CHD6: variants seen among roughly 807,000 people sequenced by gnomAD.
CHD6 encodes ATP-dependent chromatin remodeler CHD6.
CHD6 carries 50 observed loss-of-function variants against 276.9 expected under a neutral mutation model. The observed-to-expected ratio is 0.18, with a 90% CI of 0.14 to 0.23. The LOEUF (loss-of-function observed/expected upper bound fraction) is 0.23. Among genes scored for constraint, CHD6 ranks in the 10% least tolerant of loss-of-function variants. The pLI is 1.00. For missense variants in CHD6, 2,564 were observed against 3,365.8 expected, an observed-to-expected ratio of 0.76 and a Z score of 5.89; for synonymous variants, 1,173 against 1,229.3, an observed-to-expected ratio of 0.95 and a Z score of 0.96.
intron 9 of CHD6, 24 bp from the exon 10 acceptor site, chr20:41,493,696 C>T: frequency 6.2e-7 from 1 of 1,612,548 alleles, no homozygotes; most frequent in South Asian, 1.1e-5. Context: ...AGGAAAGAAA[C>T]TTAATGTTCT....
At chr20:41,439,591 C>T (rs2047834948) in intron 26 of CHD6, among the ~76,000 whole-genome samples, 1 of 152,260 alleles carries the variant, frequency 6.6e-6, no homozygotes, top group African/African-American at 2.4e-5. Flanking sequence ...TTAGACAATA[C>T]TGGATCTGAG....
intron 17 of CHD6, among the ~76,000 whole-genome samples, chr20:41,458,577 TAC>T (rs989059151): frequency 1.8e-4 from 27 of 152,294 alleles, no homozygotes; most frequent in African/African-American, 6.3e-4. Context: ...TATGTATATA[TAC>T]ACACATATAC....
At chr20:41,497,282 A>C in intron 8 of CHD6, 102 bp downstream of exon 8, 3 of 784,064 alleles carry the variant, frequency 3.8e-6, no homozygotes. Flanking sequence ...GACTTGAGCA[A>C]CAGATCTGTA....
intron 1 of CHD6, among the ~76,000 whole-genome samples, chr20:41,578,811 T>C (rs543396271): frequency 1.8e-4 from 27 of 151,614 alleles, no homozygotes; most frequent in Non-Finnish European, 3.5e-4. Context: ...GGAGGATCAC[T>C]TGAGCCCAGG....
At chr20:41,454,992 G>A (rs1229877659) in intron 19 of CHD6, among the ~76,000 whole-genome samples, 2 of 152,126 alleles carry the variant, frequency 1.3e-5, no homozygotes, top group Non-Finnish European at 2.9e-5. Flanking sequence ...GAAGCAGGAA[G>A]GCAAACCCCG....
At chr20:41,522,354 C>A (rs1232578031) in intron 3 of CHD6, among the ~76,000 whole-genome samples, 6 of 149,174 alleles carry the variant, frequency 4.0e-5, no homozygotes, top group Middle Eastern at 3.2e-3. Context: ...TCAAAAAAAA[C>A]AAAATAACAA....
rs1338863389 is a variant in CHD6 at position 41,473,525 on chromosome 20, G to A, written c.2469-8C>T. The A allele has an allele frequency of 6.2e-7, 1 of 1,611,932 alleles. No homozygotes were observed. The highest frequency in any genetic ancestry group is 1.7e-5 in the Admixed American group (1 of 59,950). ...ATTCGCTCATAGGTGTATCTGAGGG[G>A]ACCCAAATGAACGAAAGCCCAGGCG... On this transcript the variant is annotated splice_polypyrimidine_tract_variant and splice_region_variant and intron_variant, in intron 16 of 36. Transcript: ENST00000373233. The surrounding 1 kb of genome is among the most constrained non-coding windows in gnomAD (Gnocchi z 4.1).
At position 41,498,239 on chromosome 20, in the gene CHD6, G is replaced by C. The variant is rs1219607846; in HGVS notation, c.916-13C>G. 1 of 1,606,738 alleles carries C rather than the reference G, an allele frequency of 6.2e-7. No homozygotes were observed. The highest frequency in any genetic ancestry group is 8.5e-7 in the Non-Finnish European group (1 of 1,176,664). On this transcript the variant is annotated splice_polypyrimidine_tract_variant and intron_variant, in intron 6 of 36. Coordinates refer to ENST00000373233, the MANE Select transcript of CHD6 (RefSeq NM_032221.5). ...CTCCTGGGTGAACCTGTAACAAACA[G>C]CAAGCAGTTATCAGCCCAGATCCCA...
chr20:41,498,110 G>GA (rs1250798800), intron 7 of CHD6, 58 bp downstream of exon 7: 1 of 1,187,372 alleles, frequency 8.4e-7, no homozygotes. Context: ...AGTCACAAGA[G>GA]AAAAAAAGTT....
intron 3 of CHD6, among the ~76,000 whole-genome samples, chr20:41,523,456 TAAAG>T (rs2044452194): frequency 1.3e-5 from 2 of 152,156 alleles, no homozygotes; most frequent in Admixed American, 6.5e-5. Flanking sequence ...ATCTCCACTT[TAAAG>T]AAAGTACCTA....
intron 2 of CHD6, among the ~76,000 whole-genome samples, chr20:41,544,627 A>G (rs938225105): frequency 6.6e-6 from 1 of 151,010 alleles, no homozygotes; most frequent in African/African-American, 2.4e-5. Flanking sequence ...TTAAATTTTA[A>G]TATTAACATA....
chr20:41,510,561 T>C (rs1452882854), intron 5 of CHD6, among the ~76,000 whole-genome samples: 1 of 152,236 alleles, frequency 6.6e-6, no homozygotes, highest in Non-Finnish European at 1.5e-5. Context: ...AGATTCTAAT[T>C]TATGTTTCTC....
intron 1 of CHD6, among the ~76,000 whole-genome samples, chr20:41,581,671 T>C (rs1302722541): frequency 8.4e-6 from 1 of 119,472 alleles, no homozygotes; most frequent in East Asian, 2.8e-4. Flanking sequence ...CGAGACTCCA[T>C]CTCAAAAAAA....
chr20:41,438,317 C>T (rs1014478549), intron 26 of CHD6, among the ~76,000 whole-genome samples: 1 of 152,172 alleles, frequency 6.6e-6, no homozygotes, highest in African/African-American at 2.4e-5. Flanking sequence ...AGGGTGGGTG[C>T]AGTGGCTCAC....
chr20:41,516,056 A>G (rs1186844951), intron 3 of CHD6, among the ~76,000 whole-genome samples: 1 of 152,248 alleles, frequency 6.6e-6, no homozygotes, highest in East Asian at 1.9e-4. Flanking sequence ...AGGAATAACA[A>G]TAACTAATGA....
intron 5 of CHD6, among the ~76,000 whole-genome samples, chr20:41,502,932 G>A (rs975889451): frequency 6.6e-6 from 1 of 152,184 alleles, no homozygotes; most frequent in African/African-American, 2.4e-5. Context: ...CTTGAACCTG[G>A]GAGGTGGAGG....
intron 1 of CHD6, among the ~76,000 whole-genome samples, chr20:41,578,107 C>T (rs922496731): frequency 8.5e-5 from 13 of 152,142 alleles, no homozygotes; most frequent in Admixed American, 3.3e-4. Context: ...GATTCATACT[C>T]CTCAACCAAA....
chr20:41,490,927 T>C (rs1222218874), intron 11 of CHD6, among the ~76,000 whole-genome samples: 1 of 152,070 alleles, frequency 6.6e-6, no homozygotes, highest in African/African-American at 2.4e-5. Flanking sequence ...ATCTGGCACA[T>C]GTACCCTAGA....
chr20:41,591,407 C>CAT (rs962278198), intron 1 of CHD6, among the ~76,000 whole-genome samples: 85 of 134,380 alleles, frequency 6.3e-4, no homozygotes, highest in Middle Eastern at 7.5e-3. Context: ...CACACACACA[C>CAT]ATATATATAT....
Sources: gnomAD v4.1 joint callset for allele counts (sites outside exome capture counted in the v4.1 genomes callset) on GRCh38, gnomAD v4.1.1 for gene constraint, Gnocchi (gnomAD v3.1) non-coding constraint, MANE v1.5 for transcripts, NCBI Gene and HGNC (gene_info 2026-07-23, HGNC 2026-07-21) for gene names.